The following SSH2 variants were observed in gnomAD, a reference collection of about 807,000 sequenced individuals.
The protein encoded by SSH2 is slingshot protein phosphatase 2.
SSH2 carries 37 observed loss-of-function variants against 135.2 expected under a neutral mutation model. The ratio of observed to expected loss-of-function variants is 0.27; its 90% CI spans 0.21 to 0.36. The LOEUF (loss-of-function observed/expected upper bound fraction) is 0.36, where lower values mean the gene tolerates loss of function less well. SSH2 is among the 10% of genes least tolerant of loss of function. The pLI, the probability that SSH2 is intolerant of heterozygous loss-of-function variation, is 1.00. For missense variants in SSH2, 1,408 were observed against 1,765.3 expected, an observed-to-expected ratio of 0.80 and a Z score of 3.63; for synonymous variants, 628 against 646.2, an observed-to-expected ratio of 0.97 and a Z score of 0.43.
At chr17:29,652,721 C>A (rs144374470) in intron 12 of SSH2, among the ~76,000 whole-genome samples, 1 of 152,122 alleles carries the variant, frequency 6.6e-6, no homozygotes, top group African/African-American at 2.4e-5. Flanking sequence ...TGCAATGGCA[C>A]GATCTTGGCT....
intron 2 of SSH2, among the ~76,000 whole-genome samples, chr17:29,810,006 T>C (rs538890223): frequency 1.8e-4 from 27 of 152,336 alleles, no homozygotes; most frequent in African/African-American, 6.5e-4. Flanking sequence ...CCTGTTTACT[T>C]GTTGGTCTCC....
At chr17:29,901,745 T>G (rs540668854) in intron 1 of SSH2, among the ~76,000 whole-genome samples, 19 of 151,598 alleles carry the variant, frequency 1.3e-4, no homozygotes, top group African/African-American at 4.6e-4. Flanking sequence ...CCTTCCTTTC[T>G]CCCTTCCTTC....
At chr17:29,699,142 C>T (rs1485816221) in intron 4 of SSH2, among the ~76,000 whole-genome samples, 1 of 152,214 alleles carries the variant, frequency 6.6e-6, no homozygotes, top group African/African-American at 2.4e-5. Flanking sequence ...ATAACCTTCC[C>T]TACATTTCCC....
intron 7 of SSH2, 74 bp downstream of exon 7, chr17:29,677,599 C>T: frequency 7.9e-7 from 1 of 1,269,932 alleles, no homozygotes; most frequent in Non-Finnish European, 1.2e-6. Context: ...TCCCTTTTAG[C>T]TGAATGAATG....
intron 3 of SSH2, among the ~76,000 whole-genome samples, chr17:29,717,900 G>C (rs1242089476): frequency 6.6e-6 from 1 of 152,154 alleles, no homozygotes; most frequent in African/African-American, 2.4e-5. Flanking sequence ...AGATATAAAA[G>C]GCCCTGAGGC....
intron 1 of SSH2, among the ~76,000 whole-genome samples, chr17:29,908,538 G>C (rs923355669): frequency 6.6e-6 from 1 of 151,866 alleles, no homozygotes; most frequent in East Asian, 1.9e-4. Flanking sequence ...GCCAAGGTGG[G>C]CAGATCACTT....
chr17:29,899,337 T>C (rs1341483761), intron 1 of SSH2, among the ~76,000 whole-genome samples: 1 of 152,152 alleles, frequency 6.6e-6, no homozygotes, highest in African/African-American at 2.4e-5. Context: ...GGAAGTCAAA[T>C]TGTCCCTGTT....
intron 1 of SSH2, among the ~76,000 whole-genome samples, chr17:29,870,765 T>C (rs886747462): frequency 7.2e-5 from 11 of 152,240 alleles, no homozygotes; most frequent in Non-Finnish European, 1.5e-5. Flanking sequence ...AGCAAATTTC[T>C]ACTGAACTAC....
intron 2 of SSH2, among the ~76,000 whole-genome samples, chr17:29,813,443 G>A (rs1292501896): frequency 6.6e-6 from 1 of 152,074 alleles, no homozygotes; most frequent in Non-Finnish European, 1.5e-5. Flanking sequence ...AAGTGAAAAT[G>A]TTTAGCTAGA....
intron 1 of SSH2, among the ~76,000 whole-genome samples, chr17:29,913,824 G>C (rs2066831943): frequency 6.6e-6 from 1 of 151,824 alleles, no homozygotes; most frequent in Admixed American, 6.6e-5. Context: ...AGTAGAGACG[G>C]GATTTCTCCA....
rs1230288905 is a variant in SSH2, at chr17:29,627,232, C to T, written c.*3609G>A. ...CCAAAAAAGCCAAAGAATGGCTTTACTTAAAAATTTTTAAATGCCCTTAAA... is the reference window on the plus strand; with the variant it reads ...CCAAAAAAGCCAAAGAATGGCTTTATTTAAAAATTTTTAAATGCCCTTAAA... On this transcript the variant is annotated 3_prime_UTR_variant, in exon 16 of 16. Transcript: ENST00000540801. 2.6e-5 allele frequency: 4 copies of T among 152,606 alleles called. No individual in the cohort carries two copies. The East Asian group carries it at 7.7e-4, about 29-fold the overall frequency. The allele number at this position is 152,606 out of a possible 1,614,324, so 9.5% of individuals were successfully genotyped here. A position where few individuals can be genotyped will look rare whatever the true frequency, so the allele number is the denominator to read the frequency against.
Position 29,894,049 on chromosome 17 carries a change from C to T in SSH2, c.63+35889G>A, listed in dbSNP as rs143806009. ...TTAGTTCTCCACTTGTCTCATGTTACGTTCTCCATAAGTGATCTCATTCAT... is the reference window on the plus strand; with the variant it reads ...TTAGTTCTCCACTTGTCTCATGTTATGTTCTCCATAAGTGATCTCATTCAT... On this transcript the variant is annotated intron_variant, in intron 1 of 15. Coordinates refer to ENST00000540801, the MANE Select transcript of SSH2 (RefSeq NM_001282129.2). Among the ~76,000 whole-genome samples, 63 of 152,202 alleles carry T rather than the reference C, an allele frequency of 4.1e-4. 1 individual carries two copies. The highest frequency in any genetic ancestry group is 1.4e-3 in the African/African-American group (60 of 41,556).
In SSH2 at chr17:29,851,799, C is replaced by T. The variant is rs536192187; in HGVS notation, c.64-2870G>A. ...GGAGGATAACTTGAGTTTAGGAGTT[C>T]GAGGCTTCAAGTGAGCCATAATTGT... is the stretch of plus-strand genomic sequence containing the variant. On this transcript the variant is annotated intron_variant, in intron 1 of 15. Coordinates refer to ENST00000540801, the MANE Select transcript of SSH2 (RefSeq NM_001282129.2). 8.6e-5 allele frequency among the ~76,000 whole-genome samples: 13 copies of T among 151,932 alleles called. No individual in the cohort carries two copies. The South Asian group carries it at 2.7e-3, about 32-fold the overall frequency.
intron 3 of SSH2, among the ~76,000 whole-genome samples, chr17:29,714,169 A>C (rs1355809254): frequency 2.0e-5 from 3 of 152,142 alleles, no homozygotes; most frequent in Admixed American, 6.5e-5. Context: ...GTTCTTTCTT[A>C]GTATTTAAAA....
chr17:29,775,327 C>T (rs1020875873), intron 3 of SSH2, among the ~76,000 whole-genome samples: 22 of 147,904 alleles, frequency 1.5e-4, no homozygotes, highest in Non-Finnish European at 2.7e-4. Flanking sequence ...CTGGCTCTAG[C>T]GCCCATGCTG....
chr17:29,677,503 T>G (rs1054029967), intron 7 of SSH2, among the ~76,000 whole-genome samples, 170 bp downstream of exon 7: 2 of 152,158 alleles, frequency 1.3e-5, no homozygotes, highest in Non-Finnish European at 2.9e-5. Flanking sequence ...CCCTGGCAAG[T>G]TGTATTTTTA....
intron 3 of SSH2, among the ~76,000 whole-genome samples, chr17:29,773,137 TCTGA>T (rs2041624382): frequency 6.6e-6 from 1 of 151,994 alleles, no homozygotes; most frequent in Non-Finnish European, 1.5e-5. Flanking sequence ...TCTGGAAAAC[TCTGA>T]CTAATATATC....
intron 9 of SSH2, among the ~76,000 whole-genome samples, chr17:29,670,687 T>C (rs939906073): frequency 1.3e-5 from 2 of 152,120 alleles, no homozygotes; most frequent in South Asian, 2.1e-4. Flanking sequence ...GGCAGGAGAA[T>C]TGCTTGAACC....
In SSH2 at chr17:29,926,034, G is replaced by A. The variant is rs183107658; in HGVS notation, c.63+3904C>T. 3.2e-4 allele frequency among the ~76,000 whole-genome samples: 49 copies of A among 152,110 alleles called. No homozygotes were observed. In the East Asian group the frequency reaches 5.4e-3, roughly 17 times the overall value. On this transcript the variant is annotated intron_variant, in intron 1 of 15. Transcript: ENST00000540801. ...AGAACAATATCTATCCTAAGAGTTG[G>A]CATCTCTGATCCCTCCCTGCAAATC...
Sources: allele counts gnomAD v4.1 joint callset (sites outside exome capture counted in the v4.1 genomes callset), GRCh38; gene constraint gnomAD v4.1.1; transcripts MANE v1.5; gene names NCBI Gene and HGNC (gene_info 2026-07-23, HGNC 2026-07-21).